MARCHF1: variants seen among roughly 807,000 people sequenced by gnomAD.
The protein encoded by MARCHF1 is E3 ubiquitin-protein ligase MARCHF1.
In MARCHF1, 40 loss-of-function variants were observed where a neutral mutation model predicts 54.2. The observed-to-expected ratio is 0.74, with a 90% CI of 0.57 to 0.96. MARCHF1 has a LOEUF of 0.96. Among genes scored for constraint, MARCHF1 ranks in the 40% least tolerant of loss-of-function variants. MARCHF1 has a pLI of 0.00. For missense variants in MARCHF1, 586 were observed against 656.5 expected (o/e 0.89, Z 1.17); for synonymous variants, 236 against 236.3 (o/e 1.00, Z 0.01).
intron 4 of MARCHF1, among the ~76,000 whole-genome samples, chr4:163,821,084 A>G (rs1748679795): frequency 6.6e-6 from 1 of 151,982 alleles, no homozygotes; most frequent in African/African-American, 2.4e-5. Context: ...GTTCTGTTCC[A>G]GTCTCCCTGG....
rs143004329 is a variant in MARCHF1 at position 163,684,711 on chromosome 4, C to G, written c.162+16102G>C. Among the ~76,000 whole-genome samples, 258 of 152,326 alleles carry G rather than the reference C, an allele frequency of 1.7e-3. 1 individual carries two copies. Among genetic ancestry groups the G allele is most frequent in the African/African-American group, 5.7e-3 (236 of 41,568 alleles). On this transcript the variant is annotated intron_variant, in intron 5 of 9. Coordinates refer to ENST00000514618, the MANE Select transcript of MARCHF1 (RefSeq NM_001394959.1). Reference sequence around the variant, plus strand: ...TATTTTATTGCCTCTGGGCATTTCTCTCTTCCCTTTGCTCCTCCAATCTAT... The same window carrying G: ...TATTTTATTGCCTCTGGGCATTTCTGTCTTCCCTTTGCTCCTCCAATCTAT...
chr4:163,966,866 C>T (rs567243743), intron 3 of MARCHF1, among the ~76,000 whole-genome samples: 7 of 152,066 alleles, frequency 4.6e-5, no homozygotes, highest in African/African-American at 7.2e-5. Context: ...CGTGATTGTA[C>T]GATTGCAGAC....
chr4:163,932,791 C>T (rs149997476), intron 3 of MARCHF1: 3 of 598,712 alleles, frequency 5.0e-6, no homozygotes, highest in South Asian at 1.4e-5. Flanking sequence ...GAGCTGAGAT[C>T]GATCGGCACC....
chr4:163,878,000 C>T (rs1408984112), intron 3 of MARCHF1, among the ~76,000 whole-genome samples: 2 of 152,124 alleles, frequency 1.3e-5, no homozygotes, highest in African/African-American at 4.8e-5. Flanking sequence ...AACATGGATT[C>T]GTGAGACGTT....
chr4:163,800,405 T>C (rs1748046499), intron 4 of MARCHF1, among the ~76,000 whole-genome samples: 1 of 151,952 alleles, frequency 6.6e-6, no homozygotes, highest in African/African-American at 2.4e-5. Flanking sequence ...TCTTTCAACA[T>C]TTTTTTGCTT....
chr4:164,121,130 A>G (rs1025690771), intron 1 of MARCHF1, among the ~76,000 whole-genome samples: 1 of 152,150 alleles, frequency 6.6e-6, no homozygotes, highest in Admixed American at 6.6e-5. Context: ...GAAATAAAAA[A>G]GGAGATATTA....
intron 5 of MARCHF1, among the ~76,000 whole-genome samples, chr4:163,662,831 G>C (rs1018167805): frequency 9.2e-5 from 14 of 152,144 alleles, no homozygotes; most frequent in South Asian, 2.1e-4. Flanking sequence ...CTTGTTTGAA[G>C]GCACACGCTA....
intron 2 of MARCHF1, among the ~76,000 whole-genome samples, chr4:164,068,943 G>A (rs1754792632): frequency 6.6e-6 from 1 of 152,178 alleles, no homozygotes; most frequent in South Asian, 2.1e-4. Flanking sequence ...CTAGCTCAGG[G>A]TTTGTGAATG....
chr4:164,019,230 T>C (rs186555629), intron 2 of MARCHF1, among the ~76,000 whole-genome samples: 9 of 152,286 alleles, frequency 5.9e-5, no homozygotes, highest in African/African-American at 1.9e-4. Context: ...GTTGAGTGGG[T>C]CTTCAATTGC....
At chr4:164,133,196 C>T (rs563641754) in intron 1 of MARCHF1, among the ~76,000 whole-genome samples, 6 of 152,262 alleles carry the variant, frequency 3.9e-5, no homozygotes, top group Admixed American at 2.0e-4. Flanking sequence ...CGGCAGAATG[C>T]GTATATTCTA....
At chr4:164,022,812 T>C (rs1424944528) in intron 2 of MARCHF1, among the ~76,000 whole-genome samples, 1 of 152,164 alleles carries the variant, frequency 6.6e-6, no homozygotes, top group Non-Finnish European at 1.5e-5. Flanking sequence ...GCACATCTGT[T>C]GCATAGGCCT....
chr4:163,854,231 A>C, intron 3 of MARCHF1, 62 bp from the exon 4 acceptor site: 1 of 1,234,038 alleles, frequency 8.1e-7, no homozygotes, highest in Non-Finnish European at 1.1e-6. Flanking sequence ...TGGAAAATAC[A>C]TATAATCAAA....
intron 3 of MARCHF1, among the ~76,000 whole-genome samples, chr4:163,944,059 C>G (rs879611672): frequency 7.2e-5 from 11 of 151,808 alleles, no homozygotes; most frequent in Non-Finnish European, 1.3e-4. Context: ...CTCCACCTCC[C>G]GGGTTCACTC....
At chr4:164,031,079 T>C (rs1753867079) in intron 2 of MARCHF1, among the ~76,000 whole-genome samples, 1 of 152,190 alleles carries the variant, frequency 6.6e-6, no homozygotes, top group Admixed American at 6.5e-5. Flanking sequence ...TCTTGCCTGA[T>C]TGCCCTGGCC....
intron 1 of MARCHF1, among the ~76,000 whole-genome samples, chr4:164,214,357 A>T (rs1273962260): frequency 6.6e-6 from 1 of 152,182 alleles, no homozygotes; most frequent in East Asian, 1.9e-4. Flanking sequence ...ACCATGTTGT[A>T]CTTGCAAGTC....
chr4:163,715,196 T>C (rs959055525), intron 4 of MARCHF1, among the ~76,000 whole-genome samples: 1 of 152,244 alleles, frequency 6.6e-6, no homozygotes, highest in Non-Finnish European at 1.5e-5. Context: ...AGTATTGGAT[T>C]AATCAGAGGC....
At position 163,562,590 on chromosome 4, in the gene MARCHF1, C is replaced by G. The variant is rs78807722; in HGVS notation, c.1192-16847G>C. Among the ~76,000 whole-genome samples, 809 of 152,172 alleles carry G rather than the reference C, an allele frequency of 5.3e-3. 5 individuals are homozygous for G. The highest frequency in any genetic ancestry group is 0.018 in the African/African-American group (765 of 41,526). Reference sequence around the variant, plus strand: ...CACCTTCACCCCCAGTCTCATCACACTCTCCCAATCTTTCTCATTGCTCTC... The same window carrying G: ...CACCTTCACCCCCAGTCTCATCACAGTCTCCCAATCTTTCTCATTGCTCTC... On this transcript the variant is annotated intron_variant, in intron 8 of 9. Coordinates refer to ENST00000514618, the MANE Select transcript of MARCHF1 (RefSeq NM_001394959.1).
Position 163,526,069 on chromosome 4 carries a change from A to G in MARCHF1, c.*2679T>C, listed in dbSNP as rs926416674. On this transcript the variant is annotated 3_prime_UTR_variant, in exon 10 of 10. Coordinates refer to ENST00000514618, the MANE Select transcript of MARCHF1 (RefSeq NM_001394959.1). ...TTGACTTTTAACCTGCCAGGAAGCT[A>G]TATTATATTATTTTCTCATTTCAAC... 6.6e-6 allele frequency: 1 copy of G among 152,092 alleles called. No homozygotes were observed. The highest frequency in any genetic ancestry group is 1.5e-5 in the Non-Finnish European group (1 of 67,988). 9.4% of individuals were successfully genotyped at this position (152,092 alleles called of 1,614,324 possible). A position where few individuals can be genotyped will look rare whatever the true frequency, so the allele number is the denominator to read the frequency against.
rs139264334 is a variant in MARCHF1 at position 164,089,168 on chromosome 4, C to CTT, written c.-248+22419_-248+22420insAA. Among the ~76,000 whole-genome samples the CTT allele has an allele frequency of 2.9e-3, 448 of 152,026 alleles. 4 individuals carry two copies. Among genetic ancestry groups the CTT allele is most frequent in the African/African-American group, 0.01 (415 of 41,466 alleles). On this transcript the variant is annotated intron_variant, in intron 2 of 9. Coordinates refer to ENST00000514618, the MANE Select transcript of MARCHF1 (RefSeq NM_001394959.1). ...AGCATTCATTAAAAAGTATTTTTCT[C>CTT]GAGAAAGAATACACTAAATAACAAA...
Sources: allele counts gnomAD v4.1 joint callset (sites outside exome capture counted in the v4.1 genomes callset), GRCh38; gene constraint gnomAD v4.1.1; transcripts MANE v1.5; gene names NCBI Gene and HGNC (gene_info 2026-07-23, HGNC 2026-07-21).